FGF14: variants seen among roughly 807,000 people sequenced by gnomAD.
FGF14 encodes fibroblast growth factor 14.
In FGF14, 5 loss-of-function variants were observed where a neutral mutation model predicts 25.5. The observed-to-expected ratio is 0.20, with a 90% CI of 0.10 to 0.41. The LOEUF (loss-of-function observed/expected upper bound fraction) is 0.41, where lower values mean the gene tolerates loss of function less well. Ranked by LOEUF, FGF14 falls within the 10% of genes least tolerant of loss-of-function variation. FGF14 has a pLI of 1.00. For missense variants in FGF14, 222 were observed against 320.1 expected (o/e 0.69, Z 2.34); for synonymous variants, 138 against 118.3 (o/e 1.17, Z -1.08).
At chr13:101,822,977 T>C (rs2042229011) in intron 3 of FGF14, among the ~76,000 whole-genome samples, 1 of 152,170 alleles carries the variant, frequency 6.6e-6, no homozygotes, top group African/African-American at 2.4e-5. Flanking sequence ...TGACAACATA[T>C]GATATTTGGG....
intron 2 of FGF14, among the ~76,000 whole-genome samples, chr13:101,869,440 T>C (rs1204851700): frequency 1.3e-5 from 2 of 152,236 alleles, no homozygotes; most frequent in Non-Finnish European, 2.9e-5. Flanking sequence ...TCTTCTCTGT[T>C]GATAAAATGT....
intron 1 of FGF14, chr13:102,263,117 A>C (rs1224388812): frequency 1.6e-6 from 1 of 626,050 alleles, no homozygotes; most frequent in African/African-American, 1.8e-5. Flanking sequence ...TTTCGTCTAA[A>C]TCCACTGGGG....
At chr13:102,107,697 A>C (rs918625480) in intron 1 of FGF14, among the ~76,000 whole-genome samples, 1 of 152,198 alleles carries the variant, frequency 6.6e-6, no homozygotes, top group African/African-American at 2.4e-5. Context: ...AAAATGAAGT[A>C]ACTGGCATTG....
chr13:102,182,997 T>A (rs2048736573), intron 1 of FGF14, among the ~76,000 whole-genome samples: 1 of 152,004 alleles, frequency 6.6e-6, no homozygotes, highest in Non-Finnish European at 1.5e-5. Context: ...TTAGATAACC[T>A]GGAACAAAGG....
chr13:102,049,281 C>A (rs1037033367), intron 1 of FGF14, among the ~76,000 whole-genome samples: 1 of 152,142 alleles, frequency 6.6e-6, no homozygotes, highest in Non-Finnish European at 1.5e-5. Context: ...TGAGTTTTAA[C>A]CAGTCAATAA....
At chr13:102,263,685 A>G (rs2052836451) in intron 1 of FGF14, among the ~76,000 whole-genome samples, 2 of 152,356 alleles carry the variant, frequency 1.3e-5, no homozygotes, top group South Asian at 2.1e-4. Context: ...TATTTCTAGT[A>G]CAGTATTTCT....
intron 1 of FGF14, among the ~76,000 whole-genome samples, chr13:101,995,862 G>T (rs2039151238): frequency 6.6e-6 from 1 of 152,126 alleles, no homozygotes; most frequent in African/African-American, 2.4e-5. Flanking sequence ...AAGCTGGGAA[G>T]GGTAGTGGGG....
chr13:102,339,009 CAAAA>C (rs56216247), intron 1 of FGF14, among the ~76,000 whole-genome samples: 12 of 134,140 alleles, frequency 8.9e-5, no homozygotes, highest in East Asian at 2.1e-4. Flanking sequence ...GACTCTGTCT[CAAAA>C]AAAAAAAAAA....
intron 1 of FGF14, among the ~76,000 whole-genome samples, chr13:102,225,178 T>C (rs1051934238): frequency 1.3e-5 from 2 of 152,076 alleles, no homozygotes; most frequent in Non-Finnish European, 2.9e-5. Flanking sequence ...GCTTCCTTCT[T>C]TGCAGCTCCT....
intron 3 of FGF14, among the ~76,000 whole-genome samples, chr13:101,803,778 C>T (rs2041039108): frequency 6.6e-6 from 1 of 152,128 alleles, no homozygotes; most frequent in African/African-American, 2.4e-5. Flanking sequence ...AGCCAGCAAA[C>T]ACTGGAGGAA....
chr13:101,790,682 T>G (rs1006578256), intron 3 of FGF14, among the ~76,000 whole-genome samples: 1 of 152,064 alleles, frequency 6.6e-6, no homozygotes, highest in Non-Finnish European at 1.5e-5. Flanking sequence ...TTTTGGAAAA[T>G]TTTTAATGCC....
At chr13:102,286,983 G>A (rs1348963267) in intron 1 of FGF14, among the ~76,000 whole-genome samples, 1 of 151,942 alleles carries the variant, frequency 6.6e-6, no homozygotes, top group Non-Finnish European at 1.5e-5. Flanking sequence ...TAGTCATGGG[G>A]GAGGGGGAGG....
At chr13:101,895,635 TA>T (rs1479186169) in intron 1 of FGF14, among the ~76,000 whole-genome samples, 11 of 152,218 alleles carry the variant, frequency 7.2e-5, no homozygotes, top group African/African-American at 2.7e-4. Context: ...GAAGTAACTT[TA>T]AAAAGGTAAA....
At chr13:102,140,509 T>G (rs1271151210) in intron 1 of FGF14, among the ~76,000 whole-genome samples, 1 of 152,180 alleles carries the variant, frequency 6.6e-6, no homozygotes, top group Non-Finnish European at 1.5e-5. Flanking sequence ...GGCTGAAAAC[T>G]ACCTGTAAAA....
intron 1 of FGF14, among the ~76,000 whole-genome samples, chr13:102,151,690 C>G (rs181059164): frequency 1.3e-5 from 2 of 151,926 alleles, no homozygotes; most frequent in East Asian, 1.9e-4. Flanking sequence ...TTAGTAGAGA[C>G]GGGATTTCAC....
Position 101,868,805 on chromosome 13 carries a change from C to T in FGF14, c.328G>A (p.Gly110Arg). The change falls in exon 3 of 5, where the codon GGA becomes AGA. Residue 110 changes from glycine to arginine, a missense_variant. Gly to Arg is a moderately radical substitution (Grantham distance 125, BLOSUM62 -2). Around this residue, in one of 5 missense-constraint regions of FGF14, gnomAD observed 50 missense variants for 75.2 expected, o/e 0.66. Coordinates refer to ENST00000376143, the MANE Select transcript of FGF14 (RefSeq NM_004115.4). ...NSTLFNLIPV[G>R]LRVVAIQGVK... is the part of the protein sequence containing the mutation. Reference sequence around the variant, plus strand: ...CCCTGGATGGCAACAACACGTAGTCCCACTGGTATGAGGTTGAAGAGTGCT... The same window carrying T: ...CCCTGGATGGCAACAACACGTAGTCTCACTGGTATGAGGTTGAAGAGTGCT... The T allele has an allele frequency of 6.2e-7, 1 of 1,613,300 alleles. No individual in the cohort carries two copies. The highest frequency in any genetic ancestry group is 8.5e-7 in the Non-Finnish European group (1 of 1,179,364).
At chr13:101,912,581 A>G (rs1175365623) in intron 1 of FGF14, among the ~76,000 whole-genome samples, 2 of 152,162 alleles carry the variant, frequency 1.3e-5, no homozygotes, top group African/African-American at 4.8e-5. Context: ...TTCCTTGTAA[A>G]TTCCCCTTTC....
intron 1 of FGF14, among the ~76,000 whole-genome samples, chr13:102,158,916 A>G (rs1436625078): frequency 1.3e-5 from 2 of 152,122 alleles, no homozygotes; most frequent in African/African-American, 4.8e-5. Context: ...AGGCAGGTGG[A>G]CCACTTGAGG....
In FGF14 at chr13:101,988,470, C is replaced by T. The variant is rs567020733; in HGVS notation, c.209-113174G>A. On this transcript the variant is annotated intron_variant, in intron 1 of 4. Coordinates refer to the FGF14 transcript ENST00000376131. ...TGGAACCAACCCAAATGTCCAACAA[C>T]GATAGACTGGATTAAGAAAATGTGA... 3.9e-5 allele frequency among the ~76,000 whole-genome samples: 6 copies of T among 151,914 alleles called. No homozygotes were observed. The East Asian group carries it at 5.8e-4, about 15-fold the overall frequency.
Sources: gnomAD v4.1 joint callset for allele counts (sites outside exome capture counted in the v4.1 genomes callset) on GRCh38, gnomAD v4.1.1 for gene constraint, gnomAD v4.1.1 regional missense constraint, MANE v1.5 for transcripts, NCBI Gene and HGNC (gene_info 2026-07-23, HGNC 2026-07-21) for gene names.